TBC1D15: variants seen among roughly 807,000 people sequenced by gnomAD.
TBC1D15 encodes TBC1 domain family member 15.
Under a neutral mutation model 95.4 loss-of-function variants are expected in TBC1D15, and 39 were observed. The observed-to-expected ratio is 0.41, with a 90% CI of 0.32 to 0.53. The LOEUF (loss-of-function observed/expected upper bound fraction) is 0.53, where lower values mean the gene tolerates loss of function less well. Ranked by LOEUF, TBC1D15 falls within the 20% of genes least tolerant of loss-of-function variation. TBC1D15 has a pLI of 0.29. For missense variants in TBC1D15, 733 were observed against 794.3 expected, an observed-to-expected ratio of 0.92 and a Z score of 0.93; for synonymous variants, 258 against 261.3, an observed-to-expected ratio of 0.99 and a Z score of 0.12.
At chr12:71,887,122 A>G (rs1297718474) in intron 5 of TBC1D15, among the ~76,000 whole-genome samples, 1 of 152,156 alleles carries the variant, frequency 6.6e-6, no homozygotes, top group Non-Finnish European at 1.5e-5. Context: ...GTATTCTGTG[A>G]GTAAGTATCA....
At chr12:71,895,893 TATTTC>T (rs1898060968) in intron 7 of TBC1D15, 49 bp from the exon 8 acceptor site, 1 of 1,548,500 alleles carries the variant, frequency 6.5e-7, no homozygotes, top group Non-Finnish European at 8.8e-7. Context: ...TATATGCCTT[TATTTC>T]ATTTCACTGG....
chr12:71,872,202 A>G (rs1892846103), intron 2 of TBC1D15, 34 bp downstream of exon 2: 1 of 1,211,796 alleles, frequency 8.3e-7, no homozygotes, highest in Non-Finnish European at 1.2e-6. Context: ...ATTTAATAAT[A>G]GTTTATGGTA....
chr12:71,893,690 G>T lies in TBC1D15; in HGVS notation c.657+366G>T, dbSNP rs11829874. Reference sequence around the variant, plus strand: ...AATGATCGGTTTAGGCAAAAATCTGGTTTGAATTTAAGTAGATTGTTTTGA... The same window carrying T: ...AATGATCGGTTTAGGCAAAAATCTGTTTTGAATTTAAGTAGATTGTTTTGA... On this transcript the variant is annotated intron_variant, in intron 6 of 16. Transcript: ENST00000485960. Among the ~76,000 whole-genome samples the T allele has an allele frequency of 1.8e-3, 276 of 151,950 alleles. 3 individuals carry two copies. The highest frequency in any genetic ancestry group is 6.4e-3 in the African/African-American group (265 of 41,498).
chr12:71,885,293 A>G (rs1233155667), intron 5 of TBC1D15, among the ~76,000 whole-genome samples: 1 of 152,252 alleles, frequency 6.6e-6, no homozygotes, highest in Admixed American at 6.5e-5. Flanking sequence ...ATGATGATGC[A>G]TTAGTAATTT....
At position 71,897,929 on chromosome 12, in the gene TBC1D15, AG is replaced by A. The variant is rs777852239; in HGVS notation, c.1172del (p.Arg391LysfsTer26). ...AAGAAATTCGAGGTTAAGAGATTATAGAAGTCTTATCGGTAATTTTTTCTTA... is the reference window on the plus strand; with the variant it reads ...AAGAAATTCGAGGTTAAGAGATTATAAAGTCTTATCGGTAATTTTTTCTTA... ...EKRNSRLRDY[R>X]SLIEKDVNRT... On this transcript the variant is annotated frameshift_variant, in exon 10 of 17. Coordinates refer to ENST00000485960, the MANE Select transcript of TBC1D15 (RefSeq NM_001146213.3). LOFTEE classifies it high-confidence loss of function. The A allele has an allele frequency of 6.2e-7, 1 of 1,611,950 alleles. No individual in the cohort carries two copies. Among genetic ancestry groups the A allele is most frequent in the Non-Finnish European group, 8.5e-7 (1 of 1,178,634 alleles).
intron 10 of TBC1D15, among the ~76,000 whole-genome samples, chr12:71,903,036 C>G (rs7311019): frequency 1.3e-5 from 2 of 152,154 alleles, no homozygotes; most frequent in Non-Finnish European, 2.9e-5. Context: ...GTCAGCCTCC[C>G]GGGTAGCTGG....
At chr12:71,843,247 G>A (rs1035830263) in intron 1 of TBC1D15, among the ~76,000 whole-genome samples, 3 of 152,132 alleles carry the variant, frequency 2.0e-5, no homozygotes, top group African/African-American at 4.8e-5. Flanking sequence ...CAGACTGGGC[G>A]AAGGGCATAC....
intron 11 of TBC1D15, among the ~76,000 whole-genome samples, chr12:71,913,045 G>C (rs1049690814): frequency 6.6e-6 from 1 of 151,996 alleles, no homozygotes; most frequent in Non-Finnish European, 1.5e-5. Flanking sequence ...TGAGGGATCT[G>C]ACTCCTTAAT....
intron 6 of TBC1D15, chr12:71,894,382 A>G (rs1360731715): frequency 6.2e-7 from 1 of 1,612,816 alleles, no homozygotes; most frequent in Admixed American, 1.7e-5. Context: ...GAAAGTAAGC[A>G]CTGCGTATGT....
At chr12:71,898,031 C>A in intron 10 of TBC1D15, 90 bp downstream of exon 10, 1 of 881,782 alleles carries the variant, frequency 1.1e-6, no homozygotes, top group Non-Finnish European at 1.8e-6. Context: ...ATGGTAATAG[C>A]ACTAGGGCTC....
At chr12:71,860,509 A>G (rs762019652) in intron 1 of TBC1D15, among the ~76,000 whole-genome samples, 5 of 152,158 alleles carry the variant, frequency 3.3e-5, no homozygotes, top group Non-Finnish European at 7.4e-5. Flanking sequence ...TGTAGCTATT[A>G]TAAATGGAAT....
chr12:71,859,956 G>T (rs1043820350), intron 1 of TBC1D15, among the ~76,000 whole-genome samples: 1 of 152,112 alleles, frequency 6.6e-6, no homozygotes, highest in African/African-American at 2.4e-5. Flanking sequence ...GAGAGGTAGT[G>T]TTCTAGTTTC....
At chr12:71,894,368 A>G (rs775112724) in intron 6 of TBC1D15, 1 of 1,612,920 alleles carries the variant, frequency 6.2e-7, no homozygotes, top group African/African-American at 1.3e-5. Flanking sequence ...GCCATTCACC[A>G]CTGGAAAGTA....
chr12:71,848,520 AT>A (rs1451690276), intron 1 of TBC1D15, among the ~76,000 whole-genome samples: 2 of 148,674 alleles, frequency 1.3e-5, no homozygotes, highest in Admixed American at 6.6e-5. Flanking sequence ...TCTTCTGCTT[AT>A]TTTTTTTCAA....
chr12:71,847,114 A>G (rs1183609334), intron 1 of TBC1D15, among the ~76,000 whole-genome samples: 1 of 152,130 alleles, frequency 6.6e-6, no homozygotes. Context: ...TTTAGAGTAT[A>G]CAACTTTGAC....
intron 11 of TBC1D15, among the ~76,000 whole-genome samples, chr12:71,912,787 A>G (rs944316611): frequency 6.6e-6 from 1 of 152,122 alleles, no homozygotes; most frequent in African/African-American, 2.4e-5. Flanking sequence ...AGCTACCAAT[A>G]AAGAAATTTC....
intron 1 of TBC1D15, chr12:71,849,365 G>T: frequency 7.2e-7 from 1 of 1,388,586 alleles, no homozygotes; most frequent in Non-Finnish European, 1.0e-6. Context: ...TGTTGTCCAA[G>T]GAATGAAAGC....
At chr12:71,895,302 G>A (rs1423475907) in intron 7 of TBC1D15, among the ~76,000 whole-genome samples, 1 of 151,988 alleles carries the variant, frequency 6.6e-6, no homozygotes, top group African/African-American at 2.4e-5. Context: ...GTTTTGGCCT[G>A]AATTATGGCA....
chr12:71,898,057 AT>A, intron 10 of TBC1D15, 116 bp downstream of exon 10: 1 of 709,514 alleles, frequency 1.4e-6, no homozygotes, highest in South Asian at 1.8e-5. Context: ...AGAAATCAGA[AT>A]AGGAAAGTAC....
Sources: allele counts gnomAD v4.1 joint callset (sites outside exome capture counted in the v4.1 genomes callset), GRCh38; gene constraint gnomAD v4.1.1; transcripts MANE v1.5; gene names NCBI Gene and HGNC (gene_info 2026-07-23, HGNC 2026-07-21).